SLC8A3: variants seen among roughly 807,000 people sequenced by gnomAD.
The protein encoded by SLC8A3 is solute carrier family 8 member A3.
In SLC8A3, 37 loss-of-function variants were observed where a neutral mutation model predicts 65.4. That is an observed-to-expected ratio of 0.57 (90% confidence interval 0.44 to 0.74). SLC8A3 has a LOEUF of 0.74. Among genes scored for constraint, SLC8A3 ranks in the 30% least tolerant of loss-of-function variants. The pLI, the probability that SLC8A3 is intolerant of heterozygous loss-of-function variation, is 0.00. For missense variants in SLC8A3, 1,112 were observed against 1,172.1 expected (o/e 0.95, Z 0.75); for synonymous variants, 461 against 444.5 (o/e 1.04, Z -0.47).
chr14:70,130,700 A>G (rs1291603470), intron 2 of SLC8A3, among the ~76,000 whole-genome samples: 2 of 152,250 alleles, frequency 1.3e-5, no homozygotes, highest in African/African-American at 4.8e-5. Context: ...TAAATGGCTC[A>G]TTTACTCTGG....
chr14:70,114,152 G>T (rs1481506887), intron 2 of SLC8A3, among the ~76,000 whole-genome samples: 4 of 152,148 alleles, frequency 2.6e-5, no homozygotes, highest in Non-Finnish European at 4.4e-5. Flanking sequence ...GAGGAGTCTT[G>T]GGTGGAAGAA....
At chr14:70,118,264 C>T (rs553109394) in intron 2 of SLC8A3, among the ~76,000 whole-genome samples, 6 of 152,332 alleles carry the variant, frequency 3.9e-5, no homozygotes, top group Admixed American at 6.5e-5. Context: ...AGCTGCCTGA[C>T]GCTCTCTGGG....
At chr14:70,064,341 C>G (rs1383414354) in intron 2 of SLC8A3, among the ~76,000 whole-genome samples, 4 of 152,196 alleles carry the variant, frequency 2.6e-5, no homozygotes, top group Non-Finnish European at 5.9e-5. Context: ...AAGGTCCTCC[C>G]ATGTTTGCTT....
chr14:70,068,223 G>A (rs1430809762), intron 2 of SLC8A3, among the ~76,000 whole-genome samples: 2 of 152,238 alleles, frequency 1.3e-5, no homozygotes, highest in Non-Finnish European at 2.9e-5. Flanking sequence ...TTCCTTTAGA[G>A]TGAAAGTGGG....
chr14:70,181,899 A>G (rs1209268676), intron 1 of SLC8A3, among the ~76,000 whole-genome samples: 1 of 152,216 alleles, frequency 6.6e-6, no homozygotes, highest in Non-Finnish European at 1.5e-5. Flanking sequence ...TTACAGTATA[A>G]TAATAGTAAG....
At chr14:70,123,073 C>CAA (rs35933485) in intron 2 of SLC8A3, among the ~76,000 whole-genome samples, 202 of 89,406 alleles carry the variant, frequency 2.3e-3, no homozygotes, top group Admixed American at 3.8e-3. Context: ...ACTCCATCTC[C>CAA]AAAAAAAAAA....
chr14:70,165,909 T>C (rs1354872970), intron 2 of SLC8A3, among the ~76,000 whole-genome samples: 1 of 152,188 alleles, frequency 6.6e-6, no homozygotes, highest in Admixed American at 6.5e-5. Flanking sequence ...TCACCAGATT[T>C]TGGAGCTTAG....
chr14:70,168,428 A>C lies in SLC8A3; in HGVS notation c.-6T>G. 6.2e-7 allele frequency: 1 copy of C among 1,607,716 alleles called. No homozygotes were observed. ...TGCAACCTTAACCACGCCATACACG[A>C]GACTTAGCCACTGGCTTCTATTGCA... is the stretch of plus-strand genomic sequence containing the variant. On this transcript the variant is annotated 5_prime_UTR_variant, in exon 2 of 7. Transcript: ENST00000356921.
Position 70,188,455 on chromosome 14 carries a change from C to A in SLC8A3, c.-139G>T, listed in dbSNP as rs974352965. The A allele has an allele frequency of 6.6e-6, 1 of 152,024 alleles. No homozygotes were observed. The highest frequency in any genetic ancestry group is 1.5e-5 in the Non-Finnish European group (1 of 68,018). The allele number at this position is 152,024 out of a possible 1,614,324, so 9.4% of individuals were successfully genotyped here. A position where few individuals can be genotyped will look rare whatever the true frequency, so the allele number is the denominator to read the frequency against. On this transcript the variant is annotated 5_prime_UTR_variant, in exon 1 of 7. Transcript: ENST00000356921. ...GGTACGCGATGCCCCCGCCGCCCGG[C>A]GCCTCACCGGTCGCAGCGGCTCATC...
intron 2 of SLC8A3, among the ~76,000 whole-genome samples, chr14:70,141,177 A>G (rs1895547782): frequency 1.3e-5 from 2 of 152,340 alleles, no homozygotes; most frequent in South Asian, 4.1e-4. Flanking sequence ...GTCCTGGCTA[A>G]GAGGTTGGTT....
intron 1 of SLC8A3, among the ~76,000 whole-genome samples, chr14:70,186,739 G>A (rs1221919558): frequency 6.6e-6 from 1 of 152,116 alleles, no homozygotes; most frequent in Non-Finnish European, 1.5e-5. Context: ...CCTAAGCTTT[G>A]ACCATCAGCC....
At chr14:70,156,160 C>A (rs912231398) in intron 2 of SLC8A3, among the ~76,000 whole-genome samples, 1 of 152,200 alleles carries the variant, frequency 6.6e-6, no homozygotes, top group African/African-American at 2.4e-5. Flanking sequence ...GTTAGCAGTG[C>A]TTCTGGAAGA....
At chr14:70,148,273 G>A (rs1007111137) in intron 2 of SLC8A3, among the ~76,000 whole-genome samples, 8 of 152,122 alleles carry the variant, frequency 5.3e-5, no homozygotes, top group African/African-American at 1.7e-4. Context: ...TTGACTTATG[G>A]TATTTGTAAC....
chr14:70,179,623 T>C (rs77859609), intron 1 of SLC8A3, among the ~76,000 whole-genome samples: 2,997 of 152,218 alleles, frequency 0.02, 51 homozygotes, highest in South Asian at 0.08. Context: ...GACCACATAG[T>C]GTTTGGACAG....
At chr14:70,091,205 C>T (rs1360499581) in intron 2 of SLC8A3, among the ~76,000 whole-genome samples, 4 of 152,302 alleles carry the variant, frequency 2.6e-5, no homozygotes, top group African/African-American at 7.2e-5. Flanking sequence ...CAGGACATCA[C>T]GTTTTCTACT....
intron 2 of SLC8A3, among the ~76,000 whole-genome samples, chr14:70,117,276 G>GACT (rs1434460150): frequency 6.6e-6 from 1 of 152,202 alleles, no homozygotes; most frequent in Non-Finnish European, 1.5e-5. Flanking sequence ...CACATCCAGT[G>GACT]ACTAGCATGA....
At chr14:70,177,638 C>T (rs978235618) in intron 1 of SLC8A3, among the ~76,000 whole-genome samples, 10 of 152,292 alleles carry the variant, frequency 6.6e-5, no homozygotes, top group South Asian at 6.2e-4. Flanking sequence ...CCCGAACAAG[C>T]AGCGTCTGTT....
intron 1 of SLC8A3, among the ~76,000 whole-genome samples, chr14:70,184,966 CTT>C (rs11337843): frequency 4.4e-3 from 479 of 108,616 alleles, no homozygotes; most frequent in African/African-American, 0.013. Context: ...TTTTTCTTTT[CTT>C]TTTTTTTTTT....
chr14:70,184,292 C>T (rs1226834512), intron 1 of SLC8A3, among the ~76,000 whole-genome samples: 1 of 152,180 alleles, frequency 6.6e-6, no homozygotes, highest in African/African-American at 2.4e-5. Flanking sequence ...GCAAGTCTGA[C>T]CTTTCAAATC....
Sources: gnomAD v4.1 joint callset for allele counts (sites outside exome capture counted in the v4.1 genomes callset) on GRCh38, gnomAD v4.1.1 for gene constraint, MANE v1.5 for transcripts, NCBI Gene and HGNC (gene_info 2026-07-23, HGNC 2026-07-21) for gene names.